The following TGFBR3 variants were observed in gnomAD, a reference collection of about 807,000 sequenced individuals.
TGFBR3 encodes the protein transforming growth factor beta receptor 3.
A neutral mutation model predicts 87.9 loss-of-function variants in TGFBR3; 46 were observed. The observed-to-expected ratio is 0.52, with a 90% CI of 0.41 to 0.67. The LOEUF is 0.67. Ranked by LOEUF, TGFBR3 falls within the 30% of genes least tolerant of loss-of-function variation. The pLI, the probability that TGFBR3 is intolerant of heterozygous loss-of-function variation, is 0.00. For missense variants in TGFBR3, 866 were observed against 1,041.9 expected, an observed-to-expected ratio of 0.83 and a Z score of 2.32; for synonymous variants, 381 against 391.6, an observed-to-expected ratio of 0.97 and a Z score of 0.32.
chr1:91,806,307 G>A (rs1675823996), intron 2 of TGFBR3, among the ~76,000 whole-genome samples: 1 of 152,130 alleles, frequency 6.6e-6, no homozygotes, highest in African/African-American at 2.4e-5. Context: ...TCCAATCTCA[G>A]TTACAGAACC....
At chr1:91,898,502 T>C (rs1420981306) in intron 2 of TGFBR3, among the ~76,000 whole-genome samples, 1 of 152,188 alleles carries the variant, frequency 6.6e-6, no homozygotes. Context: ...AGTGGCGCGA[T>C]CTCGGCTCAC....
intron 1 of TGFBR3, among the ~76,000 whole-genome samples, chr1:91,884,399 A>C (rs1379832081): frequency 6.6e-6 from 1 of 152,128 alleles, no homozygotes; most frequent in Non-Finnish European, 1.5e-5. Flanking sequence ...TTTCAGAGGA[A>C]CTTTAATTGG....
upstream of TGFBR3, among the ~76,000 whole-genome samples, chr1:91,887,236 C>CTTTTTTTTTTTTTTTTTTTTTTT: frequency 2.4e-5 from 1 of 41,408 alleles, no homozygotes; most frequent in Non-Finnish European, 4.0e-5. Flanking sequence ...GGACCTATGC[C>CTTTTTTTTTTTTTTTTTTTTTTT]TTTTTTTTTT....
At chr1:91,879,231 T>G (rs893302474) in intron 1 of TGFBR3, among the ~76,000 whole-genome samples, 1 of 151,548 alleles carries the variant, frequency 6.6e-6, no homozygotes, top group Non-Finnish European at 1.5e-5. Flanking sequence ...ATCACACCAC[T>G]GCACTCCAGC....
At chr1:91,801,610 T>C (rs1301970439) in intron 2 of TGFBR3, among the ~76,000 whole-genome samples, 1 of 152,198 alleles carries the variant, frequency 6.6e-6, no homozygotes, top group African/African-American at 2.4e-5. Flanking sequence ...TGGAGAGATA[T>C]TTGATAAAGC....
intron 2 of TGFBR3, among the ~76,000 whole-genome samples, chr1:91,847,025 T>A (rs1412082404): frequency 1.3e-5 from 2 of 152,112 alleles, no homozygotes; most frequent in Admixed American, 1.3e-4. Context: ...TGCGGCGAGC[T>A]CCAGAGCTGT....
chr1:91,822,275 C>G, intron 2 of TGFBR3, among the ~76,000 whole-genome samples: 1 of 134,118 alleles, frequency 7.5e-6, no homozygotes, highest in Non-Finnish European at 1.5e-5. Flanking sequence ...CCGCTGTAGG[C>G]TGAGAAGAGC....
intron 4 of TGFBR3, among the ~76,000 whole-genome samples, chr1:91,754,206 G>A (rs909743540): frequency 1.4e-5 from 2 of 144,302 alleles, no homozygotes; most frequent in African/African-American, 5.1e-5. Flanking sequence ...ACTTCATACT[G>A]TGGCTCTCAT....
intron 3 of TGFBR3, among the ~76,000 whole-genome samples, chr1:91,791,880 C>T (rs930722923): frequency 2.0e-5 from 3 of 152,198 alleles, no homozygotes; most frequent in African/African-American, 4.8e-5. Context: ...ACAGGAGACA[C>T]GCAGTCTTCA....
chr1:91,783,891 C>T (rs1413592160), intron 3 of TGFBR3, among the ~76,000 whole-genome samples: 1 of 152,078 alleles, frequency 6.6e-6, no homozygotes, highest in African/African-American at 2.4e-5. Flanking sequence ...TAATTAATTC[C>T]AGCAATATTA....
chr1:91,874,521 T>G (rs1678710552), intron 1 of TGFBR3, among the ~76,000 whole-genome samples: 1 of 152,080 alleles, frequency 6.6e-6, no homozygotes, highest in African/African-American at 2.4e-5. Flanking sequence ...GTTTTTTGGT[T>G]TTTTGGTCAC....
intron 10 of TGFBR3, among the ~76,000 whole-genome samples, chr1:91,717,687 A>T (rs56050702): frequency 7.4e-6 from 1 of 135,878 alleles, no homozygotes. Context: ...TGGGAAGAAA[A>T]TTAAAAAAAA....
intron 4 of TGFBR3, among the ~76,000 whole-genome samples, chr1:91,745,197 A>G (rs1190396555): frequency 1.3e-5 from 2 of 152,124 alleles, no homozygotes; most frequent in Non-Finnish European, 2.9e-5. Context: ...TACACAATGA[A>G]AATAGACTCC....
Position 91,681,533 on chromosome 1 carries a change from C to A in TGFBR3, c.*2206G>T. On this transcript the variant is annotated 3_prime_UTR_variant, in exon 17 of 17. Transcript: ENST00000212355. The stretch of plus-strand genomic sequence containing the variant: ...TTAAATATATTACAGAAGGTTTTAA[C>A]CCTGTCCTTCTAAGACATCAATCTT... 1 of 366,596 alleles carries A rather than the reference C, an allele frequency of 2.7e-6. No individual in the cohort carries two copies. The highest frequency in any genetic ancestry group is 5.2e-6 in the Non-Finnish European group (1 of 193,178). 22.7% of individuals were successfully genotyped at this position (366,596 alleles called of 1,614,324 possible).
At chr1:91,759,383 C>CAAAAAA (rs35600646) in intron 3 of TGFBR3, among the ~76,000 whole-genome samples, 31 of 84,704 alleles carry the variant, frequency 3.7e-4, no homozygotes, top group African/African-American at 1.4e-3. Context: ...CAGCCCCTGT[C>CAAAAAA]AAAAAAAAAA....
At chr1:91,697,113 T>C (rs894279304) in intron 15 of TGFBR3, among the ~76,000 whole-genome samples, 8 of 152,212 alleles carry the variant, frequency 5.3e-5, no homozygotes, top group Non-Finnish European at 1.2e-4. Flanking sequence ...CTATTTAATC[T>C]AGTCCTTAAA....
At chr1:91,780,928 CACACAG>C (rs879387192) in intron 3 of TGFBR3, among the ~76,000 whole-genome samples, 3,464 of 134,690 alleles carry the variant, frequency 0.026, 64 homozygotes, top group Non-Finnish European at 0.032. Context: ...CACACACACA[CACACAG>C]AGATCTCATC....
At position 91,766,506 on chromosome 1, in the gene TGFBR3, T is replaced by C. The variant is rs1432064779; in HGVS notation, c.247-7756A>G. ...ATAATAAAGAGAATCACTAGAGTGA[T>C]CATTAGAAGCTGATTTACAAAATAA... On this transcript the variant is annotated intron_variant, in intron 3 of 16. Transcript: ENST00000212355. The C allele has an allele frequency of 1.5e-5, 2 of 136,386 alleles. 1 individual carries two copies. Among genetic ancestry groups the C allele is most frequent in the African/African-American group, 5.5e-5 (2 of 36,672 alleles). 8.4% of individuals were successfully genotyped at this position (136,386 alleles called of 1,614,324 possible). A position where few individuals can be genotyped will look rare whatever the true frequency, so the allele number is the denominator to read the frequency against.
intron 2 of TGFBR3, among the ~76,000 whole-genome samples, chr1:91,844,206 G>C (rs1482327815): frequency 6.6e-6 from 1 of 152,192 alleles, no homozygotes; most frequent in Non-Finnish European, 1.5e-5. Context: ...TTAGAGCAAA[G>C]GCAGCCAGGC....
Sources: gnomAD v4.1 joint callset for allele counts (sites outside exome capture counted in the v4.1 genomes callset) on GRCh38, gnomAD v4.1.1 for gene constraint, MANE v1.5 for transcripts, NCBI Gene and HGNC (gene_info 2026-07-23, HGNC 2026-07-21) for gene names.